The following NUBPL variants were observed in gnomAD, a reference collection of about 807,000 sequenced individuals.
NUBPL encodes NUBP iron-sulfur cluster assembly factor, mitochondrial.
Under a neutral mutation model 45.7 loss-of-function variants are expected in NUBPL, and 31 were observed. The observed-to-expected ratio is 0.68, with a 90% CI of 0.51 to 0.92. NUBPL has a LOEUF of 0.92. Ranked by LOEUF, NUBPL falls within the 40% of genes least tolerant of loss-of-function variation. The probability of loss-of-function intolerance (pLI) is 0.00; values close to 1 mark genes in which losing one functional copy is unlikely to be tolerated. For missense variants in NUBPL, 401 were observed against 398.7 expected, an observed-to-expected ratio of 1.01 and a Z score of -0.05; for synonymous variants, 144 against 140.9, an observed-to-expected ratio of 1.02 and a Z score of -0.15.
chr14:31,846,964 CAA>C (rs1342196254), intron 9 of NUBPL, among the ~76,000 whole-genome samples: 1 of 122,808 alleles, frequency 8.1e-6, no homozygotes, highest in Admixed American at 8.1e-5. Flanking sequence ...AAAAAAAAAA[CAA>C]AAAACAAAAA....
intron 6 of NUBPL, among the ~76,000 whole-genome samples, chr14:31,702,402 C>T (rs2139897473): frequency 6.6e-6 from 1 of 152,288 alleles, no homozygotes; most frequent in East Asian, 1.9e-4. Flanking sequence ...AAAGCCCCCA[C>T]TCTAAATCAC....
intron 8 of NUBPL, among the ~76,000 whole-genome samples, chr14:31,835,341 T>A (rs1419713639): frequency 6.6e-6 from 1 of 152,216 alleles, no homozygotes; most frequent in African/African-American, 2.4e-5. Flanking sequence ...GGTGACTTCC[T>A]TATACAAACC....
intron 7 of NUBPL, among the ~76,000 whole-genome samples, chr14:31,803,462 CAA>C (rs35382453): frequency 0.4 from 59,876 of 151,546 alleles, 13,270 homozygotes; most frequent in East Asian, 0.6. Flanking sequence ...ATAATGACCT[CAA>C]AATGTAGCTC....
intron 4 of NUBPL, among the ~76,000 whole-genome samples, chr14:31,604,621 G>A (rs1400775803): frequency 6.6e-6 from 1 of 152,054 alleles, no homozygotes; most frequent in African/African-American, 2.4e-5. Flanking sequence ...TGGCAATGTA[G>A]TTTTTGACAA....
chr14:31,596,559 G>GCTA (rs1191830062), intron 3 of NUBPL, among the ~76,000 whole-genome samples: 1 of 152,130 alleles, frequency 6.6e-6, no homozygotes, highest in African/African-American at 2.4e-5. Flanking sequence ...CTGCCTTGAT[G>GCTA]CTACAATGGT....
rs79883501 is a variant in NUBPL, at chr14:31,823,474, G to C, written c.608-3155G>C. On this transcript the variant is annotated intron_variant, in intron 7 of 10. Transcript: ENST00000281081. ...CCCTACATACTAATATATAGTGAAGGAGAAGATTTGGAGGAAATAGCCAAG... is the reference window on the plus strand; with the variant it reads ...CCCTACATACTAATATATAGTGAAGCAGAAGATTTGGAGGAAATAGCCAAG... 4.8e-3 allele frequency among the ~76,000 whole-genome samples: 732 copies of C among 152,212 alleles called. 8 individuals carry two copies. The highest frequency in any genetic ancestry group is 0.017 in the African/African-American group (713 of 41,560).
At chr14:31,595,501 GA>G (rs1203078267) in intron 3 of NUBPL, among the ~76,000 whole-genome samples, 2 of 152,168 alleles carry the variant, frequency 1.3e-5, no homozygotes, top group African/African-American at 4.8e-5. Context: ...TGAAATTGAA[GA>G]AAATCCTAAA....
chr14:31,715,657 G>A (rs1302933057), intron 6 of NUBPL, among the ~76,000 whole-genome samples: 1 of 152,222 alleles, frequency 6.6e-6, no homozygotes, highest in African/African-American at 2.4e-5. Context: ...CCTGTGTAGG[G>A]CACTTACCAT....
intron 6 of NUBPL, among the ~76,000 whole-genome samples, chr14:31,742,859 A>G (rs1419075481): frequency 6.6e-6 from 1 of 150,720 alleles, no homozygotes; most frequent in Non-Finnish European, 1.5e-5. Flanking sequence ...TGCCTGCCTC[A>G]GCCTCCCGAA....
chr14:31,597,787 GAGA>G (rs1214028868), intron 3 of NUBPL, among the ~76,000 whole-genome samples: 3 of 152,022 alleles, frequency 2.0e-5, no homozygotes, highest in African/African-American at 7.2e-5. Context: ...ATACAGAAAA[GAGA>G]TAAAATTCTA....
chr14:31,633,514 G>A (rs1034954626), intron 4 of NUBPL, among the ~76,000 whole-genome samples: 4 of 152,074 alleles, frequency 2.6e-5, no homozygotes, highest in Non-Finnish European at 5.9e-5. Context: ...TCAGTCACGC[G>A]CATTATTAGT....
rs183245519 is a variant in NUBPL at position 31,631,643 on chromosome 14, C to G, written c.382+32264C>G. On this transcript the variant is annotated intron_variant, in intron 4 of 10. Coordinates refer to ENST00000281081, the MANE Select transcript of NUBPL (RefSeq NM_025152.3). ...TCCAAAGGTCTAAGAACCAGTATAG[C>G]CAATGATATAAGTTTTAGGTGCTGT... Among the ~76,000 whole-genome samples, 80 of 152,172 alleles carry G rather than the reference C, an allele frequency of 5.3e-4. No homozygotes were observed. In the East Asian group the frequency reaches 0.014, roughly 26 times the overall value.
At chr14:31,638,348 A>G (rs534282615) in intron 4 of NUBPL, among the ~76,000 whole-genome samples, 1 of 151,086 alleles carries the variant, frequency 6.6e-6, no homozygotes, top group African/African-American at 2.4e-5. Context: ...TCACTTATGA[A>G]GCTTAGTTTG....
intron 4 of NUBPL, among the ~76,000 whole-genome samples, chr14:31,642,512 T>G (rs180964430): frequency 1.6e-3 from 237 of 152,218 alleles, no homozygotes; most frequent in Middle Eastern, 0.01. Context: ...GTGGATTTAT[T>G]TATGTGTTCT....
At chr14:31,762,317 C>T (rs2038828586) in intron 6 of NUBPL, among the ~76,000 whole-genome samples, 1 of 152,128 alleles carries the variant, frequency 6.6e-6, no homozygotes. Flanking sequence ...GTGATAGCAC[C>T]TATAAAATTG....
At chr14:31,758,590 G>A (rs942060302) in intron 6 of NUBPL, among the ~76,000 whole-genome samples, 1 of 152,060 alleles carries the variant, frequency 6.6e-6, no homozygotes, top group African/African-American at 2.4e-5. Context: ...TATGTGATAT[G>A]AAAATTGGGT....
chr14:31,678,507 G>T (rs897785318), intron 6 of NUBPL, among the ~76,000 whole-genome samples: 3 of 152,200 alleles, frequency 2.0e-5, no homozygotes, highest in African/African-American at 7.2e-5. Context: ...TATTCAGCAG[G>T]TGTTGGTCCT....
intron 6 of NUBPL, among the ~76,000 whole-genome samples, chr14:31,733,628 A>G (rs932372683): frequency 2.0e-5 from 3 of 152,158 alleles, no homozygotes; most frequent in Admixed American, 6.5e-5. Context: ...TGAGTTTAGT[A>G]TATTGACCTG....
chr14:31,622,366 G>A (rs1282809739), intron 4 of NUBPL, among the ~76,000 whole-genome samples: 3 of 152,034 alleles, frequency 2.0e-5, no homozygotes, highest in African/African-American at 7.2e-5. Flanking sequence ...AGCAAAACTC[G>A]TTTTTTTGGG....
Sources: gnomAD v4.1 joint callset for allele counts (sites outside exome capture counted in the v4.1 genomes callset) on GRCh38, gnomAD v4.1.1 for gene constraint, MANE v1.5 for transcripts, NCBI Gene and HGNC (gene_info 2026-07-23, HGNC 2026-07-21) for gene names.